CCDC178: variants seen among roughly 807,000 people sequenced by gnomAD.
CCDC178 encodes the protein coiled-coil domain-containing protein 178.
CCDC178 carries 126 observed loss-of-function variants against 117.4 expected under a neutral mutation model. The ratio of observed to expected loss-of-function variants is 1.07; its 90% CI spans 0.93 to 1.24. The LOEUF (loss-of-function observed/expected upper bound fraction) is 1.24, where lower values mean the gene tolerates loss of function less well. Ranked by LOEUF, CCDC178 falls within the 50% of genes most tolerant of loss-of-function variation. The pLI is 0.00. For synonymous variants in CCDC178, 283 were observed against 313.4 expected (o/e 0.90, Z 1.02); for missense variants, 1,030 against 986.9 (o/e 1.04, Z -0.59).
chr18:33,027,338 A>C (rs535421571), intron 21 of CCDC178, among the ~76,000 whole-genome samples: 1 of 151,730 alleles, frequency 6.6e-6, no homozygotes, highest in Admixed American at 6.6e-5. Flanking sequence ...GAGTAGCTAA[A>C]TAAAATCATT....
chr18:33,313,799 T>C (rs958758406), intron 11 of CCDC178, among the ~76,000 whole-genome samples: 2 of 152,226 alleles, frequency 1.3e-5, no homozygotes, highest in South Asian at 2.1e-4. Context: ...CAGGGGAAGA[T>C]TGCCAAACTG....
chr18:33,140,338 A>G (rs527367775), intron 20 of CCDC178, among the ~76,000 whole-genome samples: 1 of 152,218 alleles, frequency 6.6e-6, no homozygotes, highest in South Asian at 2.1e-4. Context: ...TAGATCCACC[A>G]ACAGCTTGAA....
chr18:32,950,479 G>C (rs2054456141), intron 22 of CCDC178, among the ~76,000 whole-genome samples: 1 of 152,150 alleles, frequency 6.6e-6, no homozygotes, highest in South Asian at 2.1e-4. Flanking sequence ...ATTTTAGGCA[G>C]GCAGGTAAAT....
chr18:32,938,074 T>G lies in CCDC178; in HGVS notation c.2541A>C (p.Leu847Phe). The G allele has an allele frequency of 6.2e-7, 1 of 1,613,454 alleles. No individual in the cohort carries two copies. Among genetic ancestry groups the G allele is most frequent in the Non-Finnish European group, 8.5e-7 (1 of 1,179,430 alleles). ...GGAAGAAACCTAAGATGTGTTGCAT[T>G]AAATTTGAAGATTCCTCCTGTTCAG... ...ILAVQEESSN[L>F]MQHILGFFQT... Residue 847 changes from leucine to phenylalanine, a missense_variant, in exon 23 of 23, where the codon TTA becomes TTC. Transcript: ENST00000383096.
intron 21 of CCDC178, among the ~76,000 whole-genome samples, chr18:33,071,876 T>C (rs572478526): frequency 1.3e-5 from 2 of 152,258 alleles, no homozygotes; most frequent in South Asian, 4.1e-4. Context: ...ACTCTCTAGG[T>C]AATTACAAAT....
At chr18:33,303,615 C>T (rs2062209241) in intron 11 of CCDC178, among the ~76,000 whole-genome samples, 1 of 151,162 alleles carries the variant, frequency 6.6e-6, no homozygotes, top group Non-Finnish European at 1.5e-5. Context: ...AGGGAGCTTT[C>T]TAAACTTTCC....
At chr18:33,127,822 C>A (rs2058026529) in intron 20 of CCDC178, among the ~76,000 whole-genome samples, 1 of 152,120 alleles carries the variant, frequency 6.6e-6, no homozygotes, top group African/African-American at 2.4e-5. Context: ...GGAGAGGAAT[C>A]CTCAAACAAC....
intron 20 of CCDC178, among the ~76,000 whole-genome samples, chr18:33,149,158 T>A (rs912923717): frequency 5.3e-5 from 8 of 152,162 alleles, no homozygotes; most frequent in Non-Finnish European, 1.2e-4. Context: ...TTCCCTTGGA[T>A]CTATAGTGGA....
intron 9 of CCDC178, among the ~76,000 whole-genome samples, chr18:33,343,642 C>A (rs945625431): frequency 6.6e-6 from 1 of 152,152 alleles, no homozygotes; most frequent in Admixed American, 6.5e-5. Flanking sequence ...CACTATGAAT[C>A]AGCCTCCTGG....
At chr18:33,226,968 ATATT>A in intron 15 of CCDC178, 113 bp from the exon 16 acceptor site, 1 of 385,022 alleles carries the variant, frequency 2.6e-6, no homozygotes, top group Admixed American at 4.5e-5. Context: ...ATAGAGTAAA[ATATT>A]AATTATAATT....
chr18:33,033,017 T>C (rs1325170845), intron 21 of CCDC178, among the ~76,000 whole-genome samples: 1 of 152,110 alleles, frequency 6.6e-6, no homozygotes, highest in Admixed American at 6.6e-5. Flanking sequence ...ACAAGGCTGT[T>C]TGCTCCCTGT....
intron 11 of CCDC178, 64 bp downstream of exon 11, chr18:33,323,427 A>G: frequency 5.6e-6 from 6 of 1,069,962 alleles, no homozygotes; most frequent in Non-Finnish European, 7.5e-6. Context: ...AGAAATATAC[A>G]TTACATTTTT....
At chr18:33,088,203 T>A (rs1202006687) in intron 21 of CCDC178, among the ~76,000 whole-genome samples, 2 of 152,172 alleles carry the variant, frequency 1.3e-5, no homozygotes, top group African/African-American at 2.4e-5. Context: ...TTGTCAGCTT[T>A]ATAGTAAATC....
chr18:33,001,400 C>G (rs1278886295), intron 21 of CCDC178, among the ~76,000 whole-genome samples: 1 of 143,956 alleles, frequency 6.9e-6, no homozygotes, highest in Non-Finnish European at 1.5e-5. Context: ...GTAGTCGCAG[C>G]TACTTGGGAG....
chr18:33,120,187 TA>T (rs1367385443), intron 20 of CCDC178, among the ~76,000 whole-genome samples: 7 of 144,310 alleles, frequency 4.9e-5, no homozygotes, highest in Non-Finnish European at 7.5e-5. Context: ...AGTATAATAA[TA>T]AAGAAAGAAA....
intron 20 of CCDC178, among the ~76,000 whole-genome samples, chr18:33,115,638 A>G (rs1226903605): frequency 6.6e-6 from 1 of 151,952 alleles, no homozygotes; most frequent in East Asian, 1.9e-4. Context: ...GTATGTCTAA[A>G]TCATACATTT....
chr18:33,127,113 CTA>C (rs1364943268), intron 20 of CCDC178, among the ~76,000 whole-genome samples: 2 of 150,638 alleles, frequency 1.3e-5, no homozygotes, highest in Non-Finnish European at 3.0e-5. Context: ...GTATAGATAT[CTA>C]TGTATACTAA....
intron 15 of CCDC178, 83 bp downstream of exon 15, chr18:33,245,162 T>C: frequency 1.6e-6 from 2 of 1,240,694 alleles, no homozygotes; most frequent in African/African-American, 3.1e-5. Flanking sequence ...AATTAAAATC[T>C]AATTATCAAG....
At chr18:33,373,489 T>C (rs1390295334) in intron 5 of CCDC178, among the ~76,000 whole-genome samples, 1 of 152,206 alleles carries the variant, frequency 6.6e-6, no homozygotes, top group East Asian at 1.9e-4. Flanking sequence ...ATGAACTGTT[T>C]ATACTGGCAG....
Sources: gnomAD v4.1 joint callset for allele counts (sites outside exome capture counted in the v4.1 genomes callset) on GRCh38, gnomAD v4.1.1 for gene constraint, MANE v1.5 for transcripts, NCBI Gene and HGNC (gene_info 2026-07-23, HGNC 2026-07-21) for gene names.